The following PLEKHG5 variants were observed in gnomAD, a reference collection of about 807,000 sequenced individuals.
PLEKHG5 encodes pleckstrin homology and RhoGEF domain containing G5, also known as pleckstrin homology domain-containing family G member 5.
PLEKHG5 carries 52 observed loss-of-function variants against 103.8 expected under a neutral mutation model. That is an observed-to-expected ratio of 0.50 (90% CI 0.40 to 0.63). The LOEUF (loss-of-function observed/expected upper bound fraction) is 0.63. Among genes scored for constraint, PLEKHG5 ranks in the 30% least tolerant of loss-of-function variants. The pLI, the probability that PLEKHG5 is intolerant of heterozygous loss-of-function variation, is 0.00. For synonymous variants in PLEKHG5, 592 were observed against 575.5 expected (o/e 1.03, Z -0.41); for missense variants, 1,205 against 1,347.6 (o/e 0.89, Z 1.66).
chr1:6,520,025 C>T, upstream of PLEKHG5: 1 of 209,172 alleles, frequency 4.8e-6, no homozygotes, highest in Non-Finnish European at 9.7e-6. Flanking sequence ...CTTTCCCCTG[C>T]CAGGCAGAGA....
rs141320675 is a variant in PLEKHG5, at chr1:6,509,048, G to A, written c.-165+10397C>T. On this transcript the variant is annotated intron_variant, in intron 1 of 21. Coordinates refer to the PLEKHG5 transcript ENST00000377740. ...AGCTAGAGGCCCGAGAGAGGCAGGC[G>A]GGCCCTCAGCTGGAGGGCTGCTCTC... Among the ~76,000 whole-genome samples, 361 of 152,304 alleles carry A rather than the reference G, an allele frequency of 2.4e-3. 3 individuals are homozygous for A. The highest frequency in any genetic ancestry group is 8.5e-3 in the African/African-American group (352 of 41,580).
chr1:6,497,066 T>G (rs1645236777), upstream of PLEKHG5: 2 of 1,490,398 alleles, frequency 1.3e-6, no homozygotes, highest in Non-Finnish European at 1.8e-6. The surrounding 1 kb of genome is among the most constrained non-coding windows in gnomAD (Gnocchi z 6.1). Context: ...CCAAGCTGCC[T>G]CTCTTCCTGG....
chr1:6,496,881 C>T, upstream of PLEKHG5: 2 of 1,271,792 alleles, frequency 1.6e-6, no homozygotes, highest in East Asian at 2.8e-5. Flanking sequence ...CCTTTTGGGG[C>T]CCCAGACTTC....
At chr1:6,480,525 C>G (rs1644872200) in intron 1 of PLEKHG5, among the ~76,000 whole-genome samples, 1 of 139,432 alleles carries the variant, frequency 7.2e-6, no homozygotes, top group African/African-American at 2.9e-5. Flanking sequence ...GAGACTTTGT[C>G]TCCAAAAAAA....
rs569434019 is a variant in PLEKHG5 at position 6,473,120 on chromosome 1, C to T, written c.850G>A (p.Gly284Arg). ...AGCCCCCGGGGCAGCCTGGGCAGCC[C>T]GAAGAGGCTGTAGGTGTGCAGCTTG... ...EGKLHTYSLF[G>R]LPRLPRGLRF... is the part of the protein sequence containing the mutation. The change falls in exon 9 of 21, where the codon GGG becomes AGG. Residue 284 changes from glycine (G) to arginine (R), a missense_variant. Physicochemically the swap from Gly to Arg is moderately radical, Grantham distance 125 (BLOSUM62 -2). Coordinates refer to ENST00000377728, the MANE Select transcript of PLEKHG5 (RefSeq NM_020631.6). 1.1e-5 allele frequency: 17 copies of T among 1,613,962 alleles called. No individual in the cohort carries two copies. The highest frequency in any genetic ancestry group is 2.7e-5 in the African/African-American group (2 of 75,044).
upstream of PLEKHG5, among the ~76,000 whole-genome samples, chr1:6,492,524 G>A (rs1400290827): frequency 6.6e-6 from 1 of 152,162 alleles, no homozygotes; most frequent in African/African-American, 2.4e-5. Context: ...GGAGCCTGGG[G>A]AGGTCTCAGA....
intron 1 of PLEKHG5, among the ~76,000 whole-genome samples, chr1:6,517,870 T>C (rs1638666150): frequency 1.3e-5 from 2 of 152,190 alleles, no homozygotes; most frequent in Admixed American, 1.3e-4. Context: ...AGGAGAATGT[T>C]ACTGGATTTC....
chr1:6,516,203 C>T (rs1638605850), intron 1 of PLEKHG5, among the ~76,000 whole-genome samples: 1 of 152,134 alleles, frequency 6.6e-6, no homozygotes, highest in Non-Finnish European at 1.5e-5. Flanking sequence ...AGGAGGATTG[C>T]TTGAGCCCAG....
chr1:6,519,278 T>C lies in PLEKHG5; in HGVS notation c.-165+167A>G, dbSNP rs78773197. The stretch of plus-strand genomic sequence containing the variant: ...TTGGAGGGCTTAACTCACTGATTAA[T>C]GGAAGAATGAGACCAAATGGATCCA... On this transcript the variant is annotated intron_variant, in intron 1 of 21. Transcript: ENST00000377740. Among the ~76,000 whole-genome samples the C allele has an allele frequency of 0.017, 2,570 of 152,284 alleles. 74 individuals carry two copies. Among genetic ancestry groups the C allele is most frequent in the African/African-American group, 0.059 (2,445 of 41,542 alleles).
At position 6,475,102 on chromosome 1, in the gene PLEKHG5, G is replaced by C; in HGVS notation, c.247C>G (p.Leu83Val). ...ATCTCTGTCTCAATGTCCACATTCA[G>C]GTCAAATTTCAGAGTGAAGCATTCC... ...SKECFTLKFDLNVDIETEIVP... is the reference protein window; with the variant it reads ...SKECFTLKFDVNVDIETEIVP... The change falls in exon 5 of 21, where the codon CTG becomes GTG. Residue 83 changes from leucine to valine, a missense_variant. Transcript: ENST00000377728. The C allele has an allele frequency of 6.2e-7, 1 of 1,611,996 alleles. No individual in the cohort carries two copies. Among genetic ancestry groups the C allele is most frequent in the Non-Finnish European group, 8.5e-7 (1 of 1,178,098 alleles).
At chr1:6,519,182 AGTT>A (rs1638707355) in intron 1 of PLEKHG5, among the ~76,000 whole-genome samples, 10 of 152,324 alleles carry the variant, frequency 6.6e-5, no homozygotes, top group Middle Eastern at 3.4e-3. Context: ...TTCTGTCAGG[AGTT>A]AGATGGCTGA....
chr1:6,483,725 A>G (rs1051294384), intron 1 of PLEKHG5, among the ~76,000 whole-genome samples: 4 of 152,070 alleles, frequency 2.6e-5, no homozygotes, highest in African/African-American at 9.7e-5. Context: ...CTCTACCCAC[A>G]CCCTCACCCT....
At chr1:6,474,410 G>C in intron 6 of PLEKHG5, 41 bp downstream of exon 6, 1 of 1,611,052 alleles carries the variant, frequency 6.2e-7, no homozygotes, top group Non-Finnish European at 8.5e-7. Flanking sequence ...AGGAGGCTCC[G>C]CCAGTCCCAG....
At chr1:6,497,378 G>T (rs1380695141), upstream of PLEKHG5, 9 of 1,089,746 alleles carry the variant, frequency 8.3e-6, no homozygotes, top group African/African-American at 1.7e-5. The surrounding 1 kb of genome is among the most constrained non-coding windows in gnomAD (Gnocchi z 6.1). Context: ...CGCCGGGGAC[G>T]CCGGGGACTG....
At chr1:6,479,768 C>T (rs375717963) in intron 1 of PLEKHG5, among the ~76,000 whole-genome samples, 2 of 152,258 alleles carry the variant, frequency 1.3e-5, no homozygotes, top group African/African-American at 2.4e-5. Context: ...CATGCCACTA[C>T]GCCCAACTAA....
chr1:6,476,746 G>C (rs1644773896), intron 2 of PLEKHG5, among the ~76,000 whole-genome samples: 2 of 152,058 alleles, frequency 1.3e-5, no homozygotes, highest in African/African-American at 4.8e-5. Flanking sequence ...CAGTGGGAGA[G>C]AGTCTTTTGT....
chr1:6,510,643 A>G (rs1212113504), intron 1 of PLEKHG5, among the ~76,000 whole-genome samples: 1 of 152,216 alleles, frequency 6.6e-6, no homozygotes, highest in Non-Finnish European at 1.5e-5. Context: ...TGAGAACCCT[A>G]CAGGGCCAAT....
intron 9 of PLEKHG5, among the ~76,000 whole-genome samples, 167 bp downstream of exon 9, chr1:6,472,819 A>G (rs1644634411): frequency 6.6e-6 from 1 of 152,220 alleles, no homozygotes; most frequent in African/African-American, 2.4e-5. Flanking sequence ...TGCCATTAAA[A>G]CAGCCAAGCA....
At chr1:6,494,981 C>T (rs960467875), upstream of PLEKHG5, among the ~76,000 whole-genome samples, 1 of 152,238 alleles carries the variant, frequency 6.6e-6, no homozygotes, top group Non-Finnish European at 1.5e-5. Flanking sequence ...TCTCTTCTCC[C>T]AGGCCTCACC....
Sources: allele counts gnomAD v4.1 joint callset (sites outside exome capture counted in the v4.1 genomes callset), GRCh38; gene constraint gnomAD v4.1.1; non-coding constraint Gnocchi (gnomAD v3.1); transcripts MANE v1.5; gene names NCBI Gene and HGNC (gene_info 2026-07-23, HGNC 2026-07-21).